Variants in NKAIN3 observed in about 807,000 individuals in gnomAD.
The protein encoded by NKAIN3 is sodium/potassium-transporting ATPase subunit beta-1-interacting protein 3.
In NKAIN3, 25 loss-of-function variants were observed where a neutral mutation model predicts 30.2. The ratio of observed to expected loss-of-function variants is 0.83; its 90% confidence interval spans 0.60 to 1.16. NKAIN3 has a LOEUF of 1.16. Ranked by LOEUF, NKAIN3 falls within the 50% of genes most tolerant of loss-of-function variation. The pLI, the probability that NKAIN3 is intolerant of heterozygous loss-of-function variation, is 0.00. For synonymous variants in NKAIN3, 91 were observed against 89.6 expected, an observed-to-expected ratio of 1.02 and a Z score of -0.09; for missense variants, 225 against 254.1, an observed-to-expected ratio of 0.89 and a Z score of 0.78.
chr8:62,482,244 A>G (rs1806746367), intron 1 of NKAIN3: 2 of 152,220 alleles, frequency 1.3e-5, no homozygotes, highest in African/African-American at 4.8e-5. Context: ...AGGCAAAACA[A>G]TATAAAACAC....
intron 5 of NKAIN3, among the ~76,000 whole-genome samples, chr8:62,942,094 T>C (rs1158936488): frequency 1.3e-5 from 2 of 151,074 alleles, no homozygotes; most frequent in African/African-American, 4.9e-5. Flanking sequence ...TATACACAAA[T>C]CAGTAGCAGT....
At chr8:62,484,365 A>T (rs919349005) in intron 1 of NKAIN3, among the ~76,000 whole-genome samples, 49 of 152,272 alleles carry the variant, frequency 3.2e-4, no homozygotes, top group African/African-American at 1.1e-3. Flanking sequence ...CATTTTTCAC[A>T]ATCATTCAGC....
chr8:62,524,225 A>AATATATATATAT (rs5891861), intron 1 of NKAIN3, among the ~76,000 whole-genome samples: 2 of 148,310 alleles, frequency 1.3e-5, no homozygotes, highest in African/African-American at 4.9e-5. Context: ...CCCCCACCAA[A>AATATATATATAT]ATATATATAT....
At position 62,334,440 on chromosome 8, in the gene NKAIN3, A is replaced by G. The variant is rs575222050; in HGVS notation, c.54+85313A>G. ...ACTAGGTCGAAACTTCCCACACTATATAAGGACACCAGTCCTTGCATTAGA... is the reference window on the plus strand; with the variant it reads ...ACTAGGTCGAAACTTCCCACACTATGTAAGGACACCAGTCCTTGCATTAGA... On this transcript the variant is annotated intron_variant, in intron 1 of 6. Coordinates refer to ENST00000623646, the MANE Select transcript of NKAIN3 (RefSeq NM_001304533.3). Among the ~76,000 whole-genome samples the G allele has an allele frequency of 2.3e-4, 35 of 152,202 alleles. No individual in the cohort carries two copies. In the Middle Eastern group the frequency reaches 0.01, roughly 44 times the overall value.
chr8:62,884,958 C>T (rs1490174364), intron 4 of NKAIN3, among the ~76,000 whole-genome samples: 1 of 151,562 alleles, frequency 6.6e-6, no homozygotes, highest in Non-Finnish European at 1.5e-5. Context: ...TGTTGATTTT[C>T]TCTACTGATT....
At chr8:62,847,758 C>T (rs1819735466) in intron 4 of NKAIN3, among the ~76,000 whole-genome samples, 1 of 151,010 alleles carries the variant, frequency 6.6e-6, no homozygotes, top group African/African-American at 2.4e-5. Flanking sequence ...TTTGCCCGTG[C>T]TTATGTCCTG....
intron 1 of NKAIN3, among the ~76,000 whole-genome samples, chr8:62,271,832 A>G (rs1812787312): frequency 6.6e-6 from 1 of 152,172 alleles, no homozygotes; most frequent in East Asian, 1.9e-4. Context: ...CAGCTTTATT[A>G]TCCACAACAC....
chr8:62,679,298 C>T (rs1480451939), intron 3 of NKAIN3, among the ~76,000 whole-genome samples: 1 of 151,008 alleles, frequency 6.6e-6, no homozygotes, highest in African/African-American at 2.5e-5. Context: ...GTAAGCAAAG[C>T]CTAGGGGACA....
At chr8:62,673,633 G>C (rs1045723108) in intron 3 of NKAIN3, among the ~76,000 whole-genome samples, 1 of 152,168 alleles carries the variant, frequency 6.6e-6, no homozygotes, top group African/African-American at 2.4e-5. Flanking sequence ...TGCAGTCATT[G>C]AGTGTTCTTA....
chr8:62,500,424 GGAAAGAAAGAAAGAAAGAAAGAAA>G lies in NKAIN3; in HGVS notation c.55-79075_55-79052del, dbSNP rs372867878. Among the ~76,000 whole-genome samples, 380 of 103,742 alleles carry G rather than the reference GGAAAGAAAGAAAGAAAGAAAGAAA, an allele frequency of 3.7e-3. 3 individuals carry two copies. The highest frequency in any genetic ancestry group is 9.3e-3 in the Middle Eastern group (2 of 216). 68.1% of individuals were successfully genotyped at this position (103,742 alleles called of 152,430 possible). ...AAGGAAAGAAATAAGAAGGAAGAAA[GGAAAGAAAGAAAGAAAGAAAGAAA>G]GAAAGAAAGAAAGAAAGAAAGAAAG... On this transcript the variant is annotated intron_variant, in intron 1 of 6. Coordinates refer to ENST00000623646, the MANE Select transcript of NKAIN3 (RefSeq NM_001304533.3).
In NKAIN3 at chr8:62,529,626, C is replaced by T. The variant is rs528157286; in HGVS notation, c.55-49913C>T. ...ATCTGAGAGGCAAGCAGCAGGCCCT[C>T]ACCAGACACTGAATCTGTCAGTGCC... On this transcript the variant is annotated intron_variant, in intron 1 of 6. Transcript: ENST00000623646. Among the ~76,000 whole-genome samples the T allele has an allele frequency of 4.6e-5, 7 of 152,214 alleles. No homozygotes were observed. In the East Asian group the frequency reaches 1.4e-3, roughly 30 times the overall value.
At position 62,525,417 on chromosome 8, in the gene NKAIN3, T is replaced by G. The variant is rs117647326; in HGVS notation, c.55-54122T>G. 3.0e-3 allele frequency among the ~76,000 whole-genome samples: 456 copies of G among 152,274 alleles called. 1 individual carries two copies. The highest frequency in any genetic ancestry group is 4.0e-3 in the Non-Finnish European group (274 of 68,010). ...GCAGCAACCACCTCTTTCTCTTCTG[T>G]TTTGTACACCAGCTTCTTGCTTTTC... On this transcript the variant is annotated intron_variant, in intron 1 of 6. Coordinates refer to ENST00000623646, the MANE Select transcript of NKAIN3 (RefSeq NM_001304533.3).
intron 4 of NKAIN3, among the ~76,000 whole-genome samples, chr8:62,808,998 G>C (rs1236679193): frequency 6.6e-6 from 1 of 152,104 alleles, no homozygotes; most frequent in Non-Finnish European, 1.5e-5. Flanking sequence ...GGCCATTTTA[G>C]AGACCTACCC....
intron 1 of NKAIN3, among the ~76,000 whole-genome samples, chr8:62,414,305 C>T (rs74746606): frequency 0.09 from 13,753 of 152,070 alleles, 812 homozygotes; most frequent in African/African-American, 0.15. Context: ...ATAAAAGGAG[C>T]TGCATTATAA....
rs11988992 is a variant in NKAIN3 at position 62,308,437 on chromosome 8, G to A, written c.54+59310G>A. 9.6e-3 allele frequency among the ~76,000 whole-genome samples: 1,452 copies of A among 150,616 alleles called. 139 individuals are homozygous for A. Among genetic ancestry groups the A allele is most frequent in the African/African-American group, 0.034 (1,367 of 40,000 alleles). ...AATTTAAGGAATTGAAACTTAATTT[G>A]TGTGGTGATGTGAGGACTTTGAAAT... On this transcript the variant is annotated intron_variant, in intron 1 of 6. Transcript: ENST00000623646.
intron 4 of NKAIN3, chr8:62,856,961 C>CA (rs199990725): frequency 0.069 from 28,143 of 407,546 alleles, no homozygotes; most frequent in South Asian, 0.11. Context: ...GAGGCATCAA[C>CA]AAAAAAAAAA....
chr8:62,816,776 C>A (rs1333967334), intron 4 of NKAIN3, among the ~76,000 whole-genome samples: 1 of 152,072 alleles, frequency 6.6e-6, no homozygotes, highest in African/African-American at 2.4e-5. Flanking sequence ...ATGAGCCCCA[C>A]GGCAGGATGC....
At chr8:62,463,667 G>A (rs76091205) in intron 1 of NKAIN3, among the ~76,000 whole-genome samples, 1,524 of 152,104 alleles carry the variant, frequency 0.01, 16 homozygotes, top group Non-Finnish European at 0.017. Context: ...TGTATATATC[G>A]TAGTCTTCTC....
intron 1 of NKAIN3, among the ~76,000 whole-genome samples, chr8:62,299,053 A>G (rs1813945529): frequency 6.6e-6 from 1 of 152,036 alleles, no homozygotes; most frequent in African/African-American, 2.4e-5. Flanking sequence ...AGATGAGAAG[A>G]TAATGTTTTC....
Sources: gnomAD v4.1 joint callset for allele counts (sites outside exome capture counted in the v4.1 genomes callset) on GRCh38, gnomAD v4.1.1 for gene constraint, MANE v1.5 for transcripts, NCBI Gene and HGNC (gene_info 2026-07-23, HGNC 2026-07-21) for gene names.